Variants in RTN4 observed in about 807,000 individuals in gnomAD.
RTN4 encodes reticulon 4, also known as reticulon-4.
RTN4 carries 32 observed loss-of-function variants against 90.4 expected under a neutral mutation model. The observed-to-expected ratio is 0.35, with a 90% CI of 0.27 to 0.48. The LOEUF (loss-of-function observed/expected upper bound fraction) is 0.48, where lower values mean the gene tolerates loss of function less well. Ranked by LOEUF, RTN4 falls within the 20% of genes least tolerant of loss-of-function variation. The pLI, the probability that RTN4 is intolerant of heterozygous loss-of-function variation, is 0.99. For synonymous variants in RTN4, 629 were observed against 552.5 expected (o/e 1.14, Z -1.94); for missense variants, 1,706 against 1,430.2 (o/e 1.19, Z -3.11).
At chr2:55,049,559 C>A in intron 1 of RTN4, 186 bp downstream of exon 1, 1 of 949,612 alleles carries the variant, frequency 1.1e-6, no homozygotes, top group Non-Finnish European at 1.7e-6. Context: ...AGAACAAACC[C>A]GGGCTCCAAG....
intron 5 of RTN4, among the ~76,000 whole-genome samples, chr2:54,975,901 C>T (rs1171181391): frequency 6.6e-6 from 1 of 152,046 alleles, no homozygotes; most frequent in Non-Finnish European, 1.5e-5. Context: ...TAATATCTGT[C>T]AATTGAAAAA....
intron 3 of RTN4, among the ~76,000 whole-genome samples, chr2:54,993,626 C>G (rs1679197661): frequency 1.3e-5 from 2 of 152,210 alleles, no homozygotes; most frequent in East Asian, 3.9e-4. Flanking sequence ...TACGTAAGCC[C>G]ACACATACTG....
In RTN4 at chr2:55,069,369, GC is replaced by G. The variant is rs959035754; in HGVS notation, c.-63+11119del. Among the ~76,000 whole-genome samples the G allele has an allele frequency of 3.9e-5, 6 of 152,092 alleles. No individual in the cohort carries two copies. In the South Asian group the frequency reaches 8.3e-4, roughly 21 times the overall value. ...CAAAATTACCTGGTCCTCTGTAACC[GC>G]CCCCCTCAAAAAAATCAGAAAGCCC... On this transcript the variant is annotated intron_variant, in intron 2 of 3. Coordinates refer to the RTN4 transcript ENST00000427710.
chr2:55,066,988 G>C (rs1342539596), intron 2 of RTN4, among the ~76,000 whole-genome samples: 1 of 152,068 alleles, frequency 6.6e-6, no homozygotes, highest in East Asian at 1.9e-4. Context: ...ATGTATATTT[G>C]AGTTTAATGT....
rs1444500625 is a variant in RTN4, at chr2:55,010,329, T to C, written c.3013+14757A>G. The C allele has an allele frequency of 4.3e-6, 6 of 1,386,522 alleles. No individual in the cohort carries two copies. The Admixed American group carries it at 8.9e-5, about 21-fold the overall frequency. 85.9% of individuals were successfully genotyped at this position (1,386,522 alleles called of 1,614,324 possible). ...AGTCTGACGCAGTGCAATCTGTAAC[T>C]AGGCTACTAATACTCCAGCATTAAT... is the stretch of plus-strand genomic sequence containing the variant. On this transcript the variant is annotated intron_variant, in intron 3 of 8. Transcript: ENST00000337526.
the RTN4 span, among the ~76,000 whole-genome samples, chr2:55,132,338 A>G: frequency 1.3e-5 from 2 of 152,030 alleles, no homozygotes; most frequent in African/African-American, 4.8e-5. Flanking sequence ...CCCCGTCTCT[A>G]CTAAAAATAC....
chr2:55,116,343 T>G (rs535929797), upstream of RTN4, among the ~76,000 whole-genome samples: 4 of 152,226 alleles, frequency 2.6e-5, no homozygotes, highest in African/African-American at 9.6e-5. Flanking sequence ...ATCAAGAATA[T>G]CAGAGCCTTG....
chr2:54,978,034 C>T (rs1173246479), intron 5 of RTN4, among the ~76,000 whole-genome samples: 1 of 152,204 alleles, frequency 6.6e-6, no homozygotes, highest in Non-Finnish European at 1.5e-5. Flanking sequence ...TCCTCCTTCA[C>T]TGCCCCCGCC....
At chr2:55,034,649 T>C (rs1056285325) in intron 1 of RTN4, among the ~76,000 whole-genome samples, 1 of 152,006 alleles carries the variant, frequency 6.6e-6, no homozygotes, top group Admixed American at 6.5e-5. Context: ...TGAGAGAAAA[T>C]GATATGAGAT....
At chr2:55,049,017 T>A (rs1460349203) in intron 1 of RTN4, 1 of 789,010 alleles carries the variant, frequency 1.3e-6, no homozygotes, top group Non-Finnish European at 1.5e-6. Context: ...CCTGGCTCGG[T>A]TTAGCTGGTG....
chr2:55,096,338 AAG>A (rs1669033920), intron 1 of RTN4, among the ~76,000 whole-genome samples: 1 of 151,996 alleles, frequency 6.6e-6, no homozygotes, highest in African/African-American at 2.4e-5. Context: ...AAAAAAAAAA[AAG>A]AGTGCATGCT....
At position 54,973,801 on chromosome 2, in the gene RTN4, G is replaced by C. The variant is rs886501576; in HGVS notation, c.3477+20C>G. ...GAGTGAGTGCTCTATTCTGAAGTCA[G>C]CAGTTAGTTAGGAAATTACCTGATG... On this transcript the variant is annotated intron_variant, in intron 7 of 8. Transcript: ENST00000337526. 1.2e-6 allele frequency: 2 copies of C among 1,600,766 alleles called. No individual in the cohort carries two copies. Among genetic ancestry groups the C allele is most frequent in the African/African-American group, 1.3e-5 (1 of 74,724 alleles).
At chr2:55,019,167 T>C (rs6747990) in intron 3 of RTN4, among the ~76,000 whole-genome samples, 12,095 of 152,208 alleles carry the variant, frequency 0.079, 1,521 homozygotes, top group African/African-American at 0.27. Flanking sequence ...CACGGATCCA[T>C]ACTGATAATT....
intron 1 of RTN4, among the ~76,000 whole-genome samples, chr2:55,098,883 C>A (rs1667800737): frequency 6.6e-6 from 1 of 151,990 alleles, no homozygotes. Flanking sequence ...CCTCTGTCCT[C>A]TCTATTTTCT....
intron 5 of RTN4, among the ~76,000 whole-genome samples, chr2:54,975,994 A>G (rs1677602656): frequency 6.6e-6 from 1 of 152,160 alleles, no homozygotes; most frequent in South Asian, 2.1e-4. Context: ...TCAGTTAGTA[A>G]GGCTTTTCTC....
chr2:54,997,567 T>C (rs73936520), intron 3 of RTN4, among the ~76,000 whole-genome samples: 7,202 of 152,278 alleles, frequency 0.047, 584 homozygotes, highest in African/African-American at 0.16. Flanking sequence ...AGCAGCATTA[T>C]TCATGATAGC....
At chr2:55,065,662 T>TAC (rs1668376609) in intron 2 of RTN4, among the ~76,000 whole-genome samples, 1 of 151,996 alleles carries the variant, frequency 6.6e-6, no homozygotes, top group Non-Finnish European at 1.5e-5. Context: ...AGAAACAAGG[T>TAC]ACACACATAC....
intron 5 of RTN4, among the ~76,000 whole-genome samples, chr2:54,979,230 T>G (rs1030072432): frequency 7.2e-6 from 1 of 139,814 alleles, no homozygotes; most frequent in Non-Finnish European, 1.5e-5. Flanking sequence ...TTTTTCAGTT[T>G]TTTTTTTTTT....
intron 3 of RTN4, among the ~76,000 whole-genome samples, chr2:55,006,627 A>G (rs1277270608): frequency 6.6e-6 from 1 of 152,160 alleles, no homozygotes; most frequent in African/African-American, 2.4e-5. Context: ...TCCTACAGAA[A>G]CTTCTCTCAA....
Sources: allele counts gnomAD v4.1 joint callset (sites outside exome capture counted in the v4.1 genomes callset), GRCh38; gene constraint gnomAD v4.1.1; transcripts MANE v1.5; gene names NCBI Gene and HGNC (gene_info 2026-07-23, HGNC 2026-07-21).